DIS3L2: variants seen among roughly 807,000 people sequenced by gnomAD.
The protein encoded by DIS3L2 is DIS3 like 3'-5' exoribonuclease 2, also known as DIS3-like exonuclease 2.
In DIS3L2, 34 loss-of-function variants were observed where a neutral mutation model predicts 97.5. The ratio of observed to expected loss-of-function variants is 0.35; its 90% CI spans 0.27 to 0.46. The LOEUF (loss-of-function observed/expected upper bound fraction) is 0.46. DIS3L2 is among the 20% of genes least tolerant of loss of function. The probability of loss-of-function intolerance (pLI) is 1.00; values close to 1 mark genes in which losing one functional copy is unlikely to be tolerated. For missense variants in DIS3L2, 1,038 were observed against 1,146.0 expected, an observed-to-expected ratio of 0.91 and a Z score of 1.36; for synonymous variants, 435 against 445.2, an observed-to-expected ratio of 0.98 and a Z score of 0.29.
chr2:232,322,362 G>A (rs1695460509), intron 14 of DIS3L2, among the ~76,000 whole-genome samples: 2 of 152,210 alleles, frequency 1.3e-5, no homozygotes, highest in South Asian at 2.1e-4. Flanking sequence ...GTGGCAAAGT[G>A]CCTGGCAGTC....
rs376299829 is a variant in DIS3L2, at chr2:232,336,609, C to T, written c.2637C>T (p.Pro879=). 33 of 1,605,948 alleles carry T rather than the reference C, an allele frequency of 2.1e-5. No homozygotes were observed. Among genetic ancestry groups the T allele is most frequent in the African/African-American group, 4.0e-5 (3 of 74,838 alleles). The change falls in exon 21 of 21, where the codon CCC becomes CCT. Residue 879 remains proline, a synonymous_variant. Transcript: ENST00000325385. ...AGGAGGAGGAGTCTGACGGTGAGCC[C>T]GAGGACTCAAGCACCAGCTGAGCTC... is the stretch of plus-strand genomic sequence containing the variant. ...EKEEEESDGE[P]EDSSTS
rs10682281 is a variant in DIS3L2 at position 232,128,451 on chromosome 2, A to ATTTTTTT, written c.602-2146_602-2140dup. On this transcript the variant is annotated intron_variant, in intron 6 of 20. Transcript: ENST00000325385. ...TCTCATTAAATTGACAACTTTGCTAATTTTTTTTTTTTTTTTTTTTTTTTT... is the reference window on the plus strand; with the variant it reads ...TCTCATTAAATTGACAACTTTGCTAATTTTTTTTTTTTTTTTTTTTTTTTTTTTTTTT... Among the ~76,000 whole-genome samples, 114 of 71,696 alleles carry ATTTTTTT rather than the reference A, an allele frequency of 1.6e-3. 10 individuals are homozygous for ATTTTTTT. The highest frequency in any genetic ancestry group is 0.011 in the East Asian group (20 of 1,880). The allele number at this position is 71,696 out of a possible 152,430, so 47.0% of individuals were successfully genotyped here.
intron 9 of DIS3L2, among the ~76,000 whole-genome samples, chr2:232,183,112 A>G (rs1479011188): frequency 6.6e-6 from 1 of 152,196 alleles, no homozygotes; most frequent in Non-Finnish European, 1.5e-5. Context: ...CCCTTTCACC[A>G]TGTGAGAACA....
chr2:231,995,303 C>G (rs1693701437), intron 1 of DIS3L2, among the ~76,000 whole-genome samples: 1 of 152,052 alleles, frequency 6.6e-6, no homozygotes. Flanking sequence ...CAATGGGTGC[C>G]ACCAATCTAG....
At chr2:232,302,503 G>A (rs1468304024) in intron 14 of DIS3L2, among the ~76,000 whole-genome samples, 2 of 151,314 alleles carry the variant, frequency 1.3e-5, no homozygotes, top group Non-Finnish European at 2.9e-5. Flanking sequence ...TCAATCTTTA[G>A]ACAACTTTCC....
At chr2:232,157,285 A>C (rs747759655) in intron 8 of DIS3L2, among the ~76,000 whole-genome samples, 1 of 152,172 alleles carries the variant, frequency 6.6e-6, no homozygotes, top group East Asian at 1.9e-4. Flanking sequence ...TGTGATATTG[A>C]AAGGCCTGAC....
rs768013602 is a variant in DIS3L2, at chr2:232,238,527, T to G, written c.1205-6T>G. On this transcript the variant is annotated splice_polypyrimidine_tract_variant and splice_region_variant and intron_variant, in intron 10 of 20. Coordinates refer to ENST00000325385, the MANE Select transcript of DIS3L2 (RefSeq NM_152383.5). Reference sequence around the variant, plus strand: ...CAGCCTGATAGTCCTTCTCGTGCATTTACAGGCAACTTCAAAGTGGGAGTT... The same window carrying G: ...CAGCCTGATAGTCCTTCTCGTGCATGTACAGGCAACTTCAAAGTGGGAGTT... 3.1e-6 allele frequency: 5 copies of G among 1,613,424 alleles called. No homozygotes were observed. Among genetic ancestry groups the G allele is most frequent in the Non-Finnish European group, 4.2e-6 (5 of 1,179,618 alleles).
intron 9 of DIS3L2, among the ~76,000 whole-genome samples, chr2:232,209,437 T>A (rs1692126724): frequency 6.6e-6 from 1 of 152,008 alleles, no homozygotes; most frequent in South Asian, 2.1e-4. Context: ...ACATCATCAG[T>A]GTTGATGAAT....
intron 9 of DIS3L2, among the ~76,000 whole-genome samples, chr2:232,167,083 A>T (rs1036126795): frequency 1.8e-4 from 27 of 152,096 alleles, no homozygotes; most frequent in Non-Finnish European, 3.7e-4. Flanking sequence ...TATGTTTCTA[A>T]AATTCAAATC....
intron 6 of DIS3L2, chr2:232,111,213 T>C (rs1352660080): frequency 4.2e-6 from 2 of 471,190 alleles, no homozygotes; most frequent in Non-Finnish European, 8.8e-6. Context: ...AAATTGAGGC[T>C]CAGAGAAGTT....
At chr2:232,336,320 C>T (rs751842039) in intron 20 of DIS3L2, 149 bp from the exon 21 acceptor site, 58 of 1,547,462 alleles carry the variant, frequency 3.7e-5, no homozygotes, top group Non-Finnish European at 5.0e-5. Flanking sequence ...GGCATTCTTC[C>T]TGGAGGGGGC....
chr2:232,252,631 T>G (rs1051414759), intron 12 of DIS3L2, among the ~76,000 whole-genome samples: 1 of 152,232 alleles, frequency 6.6e-6, no homozygotes, highest in African/African-American at 2.4e-5. Context: ...CCAGGCACAG[T>G]GGCTCACGCC....
At chr2:232,284,884 A>C (rs536101630) in intron 13 of DIS3L2, among the ~76,000 whole-genome samples, 1 of 152,250 alleles carries the variant, frequency 6.6e-6, no homozygotes, top group East Asian at 1.9e-4. Context: ...CCTGGCATGG[A>C]GCTGCACACC....
At chr2:231,984,236 T>G (rs1693345560) in intron 1 of DIS3L2, among the ~76,000 whole-genome samples, 1 of 151,998 alleles carries the variant, frequency 6.6e-6, no homozygotes, top group South Asian at 2.1e-4. Context: ...CATATGTTAT[T>G]TTATGTTGCT....
intron 10 of DIS3L2, among the ~76,000 whole-genome samples, chr2:232,213,105 C>T (rs1036080658): frequency 2.0e-5 from 3 of 151,928 alleles, no homozygotes; most frequent in African/African-American, 4.8e-5. Flanking sequence ...ACAAAGAGCC[C>T]GGGAGGAGAG....
chr2:232,301,835 C>CTTTTTTT (rs557282669), intron 14 of DIS3L2, among the ~76,000 whole-genome samples: 2 of 105,474 alleles, frequency 1.9e-5, no homozygotes, highest in East Asian at 6.8e-4. Flanking sequence ...TAGCCTAGCT[C>CTTTTTTT]TTTTTTTTTT....
At chr2:232,332,868 C>A (rs1400180278) in intron 16 of DIS3L2, among the ~76,000 whole-genome samples, 1 of 152,108 alleles carries the variant, frequency 6.6e-6, no homozygotes, top group African/African-American at 2.4e-5. Context: ...ACGGCCCCGA[C>A]CAAAGGTGGG....
At chr2:232,031,832 C>A (rs1348430633) in intron 5 of DIS3L2, among the ~76,000 whole-genome samples, 1 of 152,184 alleles carries the variant, frequency 6.6e-6, no homozygotes, top group Non-Finnish European at 1.5e-5. Flanking sequence ...GACATAAACT[C>A]ATTCTTTTTT....
rs184605842 is a variant in DIS3L2, at chr2:231,976,831, G to A, written c.-94+15066G>A. Among the ~76,000 whole-genome samples the A allele has an allele frequency of 7.3e-3, 1,068 of 146,774 alleles. 13 individuals carry two copies. Among genetic ancestry groups the A allele is most frequent in the African/African-American group, 0.026 (1,031 of 39,430 alleles). On this transcript the variant is annotated intron_variant, in intron 1 of 20. Transcript: ENST00000325385. ...TGCCCAGGCTGGAGTACAGTGGCGC[G>A]ATCTTGGCTCACTGCAGGCTCCGCC... is the stretch of plus-strand genomic sequence containing the variant.
Sources: allele counts gnomAD v4.1 joint callset (sites outside exome capture counted in the v4.1 genomes callset), GRCh38; gene constraint gnomAD v4.1.1; transcripts MANE v1.5; gene names NCBI Gene and HGNC (gene_info 2026-07-23, HGNC 2026-07-21).